The following LRFN5 variants were observed in gnomAD, a reference collection of about 807,000 sequenced individuals.
The protein encoded by LRFN5 is leucine rich repeat and fibronectin type III domain containing 5.
Under a neutral mutation model 45.6 loss-of-function variants are expected in LRFN5, and 24 were observed. The ratio of observed to expected loss-of-function variants is 0.53; its 90% CI spans 0.38 to 0.74. The LOEUF (loss-of-function observed/expected upper bound fraction) is 0.74. Ranked by LOEUF, LRFN5 falls within the 30% of genes least tolerant of loss-of-function variation. The pLI, the probability that LRFN5 is intolerant of heterozygous loss-of-function variation, is 0.00. For synonymous variants in LRFN5, 340 were observed against 313.8 expected (o/e 1.08, Z -0.88); for missense variants, 776 against 861.5 (o/e 0.90, Z 1.24).
At chr14:41,688,928 A>T (rs2138700410) in intron 1 of LRFN5, among the ~76,000 whole-genome samples, 1 of 137,022 alleles carries the variant, frequency 7.3e-6, no homozygotes, top group Non-Finnish European at 1.6e-5. Flanking sequence ...AAAAAAAAAA[A>T]GGAAAAAGAA....
Position 41,674,536 on chromosome 14 carries a change from G to A in LRFN5, c.-197+65974G>A, listed in dbSNP as rs889240587. On this transcript the variant is annotated intron_variant, in intron 1 of 5. Coordinates refer to ENST00000298119, the MANE Select transcript of LRFN5 (RefSeq NM_152447.5). ...CCTCCACCTCTCTCCAGGACGGGGC[G>A]GCTGGCCGGGCAGGGGGCTGACCCC... is the stretch of plus-strand genomic sequence containing the variant. Among the ~76,000 whole-genome samples, 5 of 143,482 alleles carry A rather than the reference G, an allele frequency of 3.5e-5. No homozygotes were observed. The South Asian group carries it at 8.8e-4, about 25-fold the overall frequency. The allele number at this position is 143,482 out of a possible 152,430, so 94.1% of individuals were successfully genotyped here. A position where few individuals can be genotyped will look rare whatever the true frequency, so the allele number is the denominator to read the frequency against.
At chr14:41,610,256 T>C (rs1367922424) in intron 1 of LRFN5, 2 of 151,966 alleles carry the variant, frequency 1.3e-5, no homozygotes, top group Non-Finnish European at 2.9e-5. Flanking sequence ...AACCTTTCTC[T>C]CTCTCTCCCT....
At chr14:41,626,671 A>G (rs945039219) in intron 1 of LRFN5, among the ~76,000 whole-genome samples, 3 of 152,100 alleles carry the variant, frequency 2.0e-5, no homozygotes, top group African/African-American at 7.2e-5. Context: ...CCCTGGCACA[A>G]TGTTCACTAT....
At chr14:41,756,225 A>C (rs570299940) in intron 1 of LRFN5, among the ~76,000 whole-genome samples, 16 of 152,074 alleles carry the variant, frequency 1.1e-4, no homozygotes, top group Admixed American at 3.9e-4. Flanking sequence ...AACTTTAGTG[A>C]ATCTGACAAT....
chr14:41,769,893 T>G (rs879082924), intron 2 of LRFN5, among the ~76,000 whole-genome samples: 1 of 152,216 alleles, frequency 6.6e-6, no homozygotes, highest in Non-Finnish European at 1.5e-5. Context: ...CAACCATGTG[T>G]TAGTCCATTT....
Position 41,616,227 on chromosome 14 carries a change from G to C in LRFN5, c.-197+7665G>C, listed in dbSNP as rs74414105. 3.9e-5 allele frequency among the ~76,000 whole-genome samples: 6 copies of C among 152,188 alleles called. No individual in the cohort carries two copies. The East Asian group carries it at 1.2e-3, about 29-fold the overall frequency. On this transcript the variant is annotated intron_variant, in intron 1 of 5. Coordinates refer to ENST00000298119, the MANE Select transcript of LRFN5 (RefSeq NM_152447.5). The stretch of plus-strand genomic sequence containing the variant: ...TCACCTTACTCTAAGGTGACTGGCT[G>C]GCTGCATCATGAGCTGTCTGTTCTA...
chr14:41,755,588 C>T (rs1013468630), intron 1 of LRFN5, among the ~76,000 whole-genome samples: 1 of 151,974 alleles, frequency 6.6e-6, no homozygotes, highest in Non-Finnish European at 1.5e-5. Context: ...GGATTGCAAC[C>T]CCTGCCTTTT....
intron 1 of LRFN5, among the ~76,000 whole-genome samples, chr14:41,660,498 A>G (rs1880598228): frequency 6.6e-6 from 1 of 152,116 alleles, no homozygotes; most frequent in South Asian, 2.1e-4. Context: ...GTTGTTGTCT[A>G]CATAGCTGTG....
chr14:41,618,518 G>A (rs1406964197), intron 1 of LRFN5, among the ~76,000 whole-genome samples: 1 of 152,212 alleles, frequency 6.6e-6, no homozygotes, highest in Non-Finnish European at 1.5e-5. Flanking sequence ...ACACGCAGAT[G>A]AGGCCACCTG....
chr14:41,790,072 A>G (rs965530478), intron 2 of LRFN5, among the ~76,000 whole-genome samples: 12 of 151,828 alleles, frequency 7.9e-5, no homozygotes, highest in African/African-American at 2.9e-4. Context: ...CTGAGCCTGG[A>G]ATTTTCGTTG....
chr14:41,853,776 A>G (rs1889356221), intron 2 of LRFN5, among the ~76,000 whole-genome samples: 1 of 152,120 alleles, frequency 6.6e-6, no homozygotes, highest in African/African-American at 2.4e-5. Flanking sequence ...GTAAAGAGGA[A>G]TAGAAGCTGG....
intron 1 of LRFN5, among the ~76,000 whole-genome samples, chr14:41,756,801 G>C (rs541802726): frequency 1.3e-5 from 2 of 152,166 alleles, no homozygotes; most frequent in African/African-American, 4.8e-5. Context: ...TGCTGGTGAG[G>C]AGCTGCATTC....
chr14:41,887,416 C>G lies in LRFN5; in HGVS notation c.791C>G (p.Ala264Gly), dbSNP rs780099490. The G allele has an allele frequency of 6.2e-7, 1 of 1,614,184 alleles. No homozygotes were observed. Among genetic ancestry groups the G allele is most frequent in the Non-Finnish European group, 8.5e-7 (1 of 1,180,034 alleles). Residue 264 changes from alanine (A) to glycine (G), a missense_variant, in exon 3 of 6, where the codon GCT (alanine) becomes GGT (glycine). Physicochemically the swap from Ala to Gly is moderately conservative, Grantham distance 60. Around this residue, in one of 2 missense-constraint regions of LRFN5, gnomAD observed 311 missense variants for 405.1 expected, o/e 0.77. Coordinates refer to ENST00000298119, the MANE Select transcript of LRFN5 (RefSeq NM_152447.5). The surrounding 1 kb of genome is among the most constrained non-coding windows in gnomAD (Gnocchi z 4.8). Reference protein sequence around the residue: ...LSREDDLETCASPPLLTGRYF... With the variant: ...LSREDDLETCGSPPLLTGRYF... Reference sequence around the variant, plus strand: ...AGAGAAGATGACTTAGAGACCTGTGCTTCTCCTCCACTTTTAACTGGCCGC... The same window carrying G: ...AGAGAAGATGACTTAGAGACCTGTGGTTCTCCTCCACTTTTAACTGGCCGC...
intron 2 of LRFN5, among the ~76,000 whole-genome samples, chr14:41,874,861 T>A (rs1052538126): frequency 3.9e-5 from 6 of 152,152 alleles, no homozygotes; most frequent in Non-Finnish European, 8.8e-5. Context: ...AACATGTCCT[T>A]CTTCACATGG....
intron 1 of LRFN5, among the ~76,000 whole-genome samples, chr14:41,707,502 A>G (rs1283468606): frequency 6.6e-6 from 1 of 152,144 alleles, no homozygotes; most frequent in Non-Finnish European, 1.5e-5. Flanking sequence ...CTGTATGGCT[A>G]TTAAGTATGT....
At chr14:41,753,840 G>A (rs965250205) in intron 1 of LRFN5, among the ~76,000 whole-genome samples, 3 of 152,142 alleles carry the variant, frequency 2.0e-5, no homozygotes, top group Non-Finnish European at 4.4e-5. Flanking sequence ...TCCCTGTCTT[G>A]TGCCAGTTTT....
chr14:41,645,821 A>T (rs375634523), intron 1 of LRFN5, among the ~76,000 whole-genome samples: 1 of 152,140 alleles, frequency 6.6e-6, no homozygotes, highest in East Asian at 1.9e-4. Flanking sequence ...CTTCTGTGTA[A>T]TCTGCTTTTG....
At chr14:41,628,573 C>T (rs1266044708) in intron 1 of LRFN5, among the ~76,000 whole-genome samples, 1 of 151,864 alleles carries the variant, frequency 6.6e-6, no homozygotes, top group East Asian at 1.9e-4. Context: ...CACTGCACTC[C>T]AGCCTCGGCA....
At chr14:41,884,588 C>T (rs1290205293) in intron 2 of LRFN5, among the ~76,000 whole-genome samples, 1 of 152,114 alleles carries the variant, frequency 6.6e-6, no homozygotes, top group Non-Finnish European at 1.5e-5. Context: ...GCTTATCTGC[C>T]TTATGCACAG....
Sources: allele counts gnomAD v4.1 joint callset (sites outside exome capture counted in the v4.1 genomes callset), GRCh38; gene constraint gnomAD v4.1.1; regional missense constraint gnomAD v4.1.1; non-coding constraint Gnocchi (gnomAD v3.1); transcripts MANE v1.5; gene names NCBI Gene and HGNC (gene_info 2026-07-23, HGNC 2026-07-21).